Variants in TRAM2 observed in about 807,000 individuals in gnomAD.
TRAM2 encodes the protein translocation associated membrane protein 2.
TRAM2 carries 12 observed loss-of-function variants against 51.0 expected under a neutral mutation model. The ratio of observed to expected loss-of-function variants is 0.24; its 90% confidence interval spans 0.15 to 0.38. The LOEUF (loss-of-function observed/expected upper bound fraction) is 0.38, where lower values mean the gene tolerates loss of function less well. TRAM2 is among the 10% of genes least tolerant of loss of function. The pLI is 1.00. For missense variants in TRAM2, 361 were observed against 462.0 expected, an observed-to-expected ratio of 0.78 and a Z score of 2.00; for synonymous variants, 175 against 179.4, an observed-to-expected ratio of 0.98 and a Z score of 0.20.
At chr6:52,522,108 T>G (rs554628630) in intron 2 of TRAM2, among the ~76,000 whole-genome samples, 5 of 152,266 alleles carry the variant, frequency 3.3e-5, no homozygotes, top group African/African-American at 1.2e-4. Context: ...TTTAAACATA[T>G]CACCCTCTGG....
At chr6:52,538,300 T>C (rs1767009900) in intron 1 of TRAM2, among the ~76,000 whole-genome samples, 1 of 152,226 alleles carries the variant, frequency 6.6e-6, no homozygotes, top group South Asian at 2.1e-4. Flanking sequence ...GCTTGGGTTG[T>C]CTGCCATCCA....
At chr6:52,559,382 T>C (rs1011339694) in intron 1 of TRAM2, among the ~76,000 whole-genome samples, 1 of 152,186 alleles carries the variant, frequency 6.6e-6, no homozygotes, top group Non-Finnish European at 1.5e-5. Context: ...CTCTTTAAAA[T>C]AGAGTAAAGG....
rs760400087 is a variant in TRAM2, at chr6:52,503,206, C to T, written c.1104G>A (p.Lys368=). ...TCTTAGCACTTTGGCCTTAGGGAGA[C>T]TTGAGTTTCTTAGTCCGTGGGGAGG... The part of the protein sequence containing the change: ...NGTSPRTKKL[K]SP Residue 368 remains lysine (K), a synonymous_variant, in exon 11 of 11, where the codon AAG becomes AAA. Coordinates refer to ENST00000182527, the MANE Select transcript of TRAM2 (RefSeq NM_012288.4). 49 of 1,613,586 alleles carry T rather than the reference C, an allele frequency of 3.0e-5. No homozygotes were observed. The highest frequency in any genetic ancestry group is 8.0e-5 in the African/African-American group (6 of 74,750).
chr6:52,542,023 T>C (rs563026754), intron 1 of TRAM2, among the ~76,000 whole-genome samples: 1 of 152,234 alleles, frequency 6.6e-6, no homozygotes, highest in South Asian at 2.1e-4. Flanking sequence ...CCTCATTTTT[T>C]CTTCCTGAGA....
rs893253877 is a variant in TRAM2, at chr6:52,506,105, G to A, written c.658C>T (p.Leu220=). Residue 220 remains leucine, a synonymous_variant, in exon 8 of 11, where the codon CTG becomes TTG. Coordinates refer to ENST00000182527, the MANE Select transcript of TRAM2 (RefSeq NM_012288.4). Reference sequence around the variant, plus strand: ...AAGAGGAACTCAGTTGAGTACTGCAGCAGCAGCAAGATCAGGCCCAGGCGG... The same window carrying A: ...AAGAGGAACTCAGTTGAGTACTGCAACAGCAGCAAGATCAGGCCCAGGCGG... ...LSRLGLILLL[L]QYSTEFLFHT... The A allele has an allele frequency of 6.2e-7, 1 of 1,614,122 alleles. No individual in the cohort carries two copies. Among genetic ancestry groups the A allele is most frequent in the Non-Finnish European group, 8.5e-7 (1 of 1,180,048 alleles).
rs1305227408 is a variant in TRAM2, at chr6:52,519,904, AATAC to A, written c.185-3171_185-3168del. On this transcript the variant is annotated intron_variant, in intron 2 of 10. Coordinates refer to ENST00000182527, the MANE Select transcript of TRAM2 (RefSeq NM_012288.4). Reference sequence around the variant, plus strand: ...TGAATAAGTCAGTCACAAAAGGACAAATACTGTATGATTCGATTTATATATGAGT... The same window carrying A: ...TGAATAAGTCAGTCACAAAAGGACAATGTATGATTCGATTTATATATGAGT... Among the ~76,000 whole-genome samples, 3 of 152,334 alleles carry A rather than the reference AATAC, an allele frequency of 2.0e-5. No homozygotes were observed. The East Asian group carries it at 5.8e-4, about 29-fold the overall frequency.
At chr6:52,529,847 G>A (rs566414679) in intron 2 of TRAM2, 1 of 152,310 alleles carries the variant, frequency 6.6e-6, no homozygotes, top group South Asian at 2.1e-4. Context: ...AGCAGGCCTG[G>A]AGTCTGCCTG....
At chr6:52,549,487 A>G (rs1767271349) in intron 1 of TRAM2, among the ~76,000 whole-genome samples, 1 of 152,216 alleles carries the variant, frequency 6.6e-6, no homozygotes, top group Admixed American at 6.5e-5. Context: ...CAAAACTCTA[A>G]AAAACCATCT....
chr6:52,574,048 T>C (rs1258750670), intron 1 of TRAM2, among the ~76,000 whole-genome samples: 1 of 152,154 alleles, frequency 6.6e-6, no homozygotes. Flanking sequence ...CTTTCTCCCA[T>C]TCCCCTTGCA....
rs1766236184 is a variant in TRAM2 at position 52,501,932 on chromosome 6, GGAGGGGAGGGGAAAGAATCTGT to G, written c.*1243_*1264del. ...GGACTTGGAGGCCTTCTCTTCAGGT[GGAGGGGAGGGGAAAGAATCTGT>G]GAGGGAAGGGGCCAGAAAGGCGCCT... On this transcript the variant is annotated 3_prime_UTR_variant, in exon 11 of 11. Coordinates refer to ENST00000182527, the MANE Select transcript of TRAM2 (RefSeq NM_012288.4). The G allele has an allele frequency of 6.6e-6, 1 of 152,258 alleles. No individual in the cohort carries two copies. The highest frequency in any genetic ancestry group is 6.5e-5 in the Admixed American group (1 of 15,280). The allele number at this position is 152,258 out of a possible 1,614,324, so 9.4% of individuals were successfully genotyped here. A position where few individuals can be genotyped will look rare whatever the true frequency, so the allele number is the denominator to read the frequency against.
intron 6 of TRAM2, 37 bp downstream of exon 6, chr6:52,508,197 G>C (rs1449879037): frequency 6.3e-7 from 1 of 1,599,062 alleles, no homozygotes; most frequent in African/African-American, 1.3e-5. Context: ...AGTGGTCAAT[G>C]AATGGCCTCC....
At chr6:52,558,534 T>C (rs746775725) in intron 1 of TRAM2, among the ~76,000 whole-genome samples, 9 of 152,222 alleles carry the variant, frequency 5.9e-5, no homozygotes, top group Non-Finnish European at 1.0e-4. Flanking sequence ...ATGGTTAAGA[T>C]GGCAGATTTA....
intron 1 of TRAM2, among the ~76,000 whole-genome samples, chr6:52,564,423 T>C (rs925942113): frequency 2.6e-5 from 4 of 152,056 alleles, no homozygotes; most frequent in African/African-American, 9.7e-5. Flanking sequence ...AACCAGCCCC[T>C]ACCCAGCCCA....
At chr6:52,509,501 C>A in intron 5 of TRAM2, 27 bp downstream of exon 5, 1 of 1,611,702 alleles carries the variant, frequency 6.2e-7, no homozygotes, top group Non-Finnish European at 8.5e-7. Context: ...TCGCTCCTCC[C>A]TGGGGCTGAG....
intron 1 of TRAM2, among the ~76,000 whole-genome samples, chr6:52,573,978 G>C (rs955273969): frequency 1.3e-5 from 2 of 152,122 alleles, no homozygotes; most frequent in Non-Finnish European, 2.9e-5. Flanking sequence ...CTCAGCTTCC[G>C]AATGAAGGAA....
chr6:52,573,594 C>T (rs529322573), intron 1 of TRAM2, among the ~76,000 whole-genome samples: 1 of 152,276 alleles, frequency 6.6e-6, no homozygotes, highest in South Asian at 2.1e-4. Flanking sequence ...GATGGCTCAA[C>T]ACTAAACCAA....
chr6:52,516,837 G>C, intron 2 of TRAM2, 100 bp from the exon 3 acceptor site: 1 of 901,990 alleles, frequency 1.1e-6, no homozygotes, highest in East Asian at 2.4e-5. Context: ...GCCATCAAAT[G>C]CTACCCGTTT....
rs1337717228 is a variant in TRAM2 at position 52,503,220 on chromosome 6, T to C, written c.1090A>G (p.Thr364Ala). The change falls in exon 11 of 11, where the codon ACT becomes GCT. Residue 364 changes from threonine to alanine, a missense_variant. Physicochemically the swap from Thr to Ala is moderately conservative, Grantham distance 58. Coordinates refer to ENST00000182527, the MANE Select transcript of TRAM2 (RefSeq NM_012288.4). ...CCTTAGGGAGACTTGAGTTTCTTAG[T>C]CCGTGGGGAGGTTCCGTTCTCTGCC... is the stretch of plus-strand genomic sequence containing the variant. The part of the protein sequence containing the change: ...VKAENGTSPR[T>A]KKLKSP 5.6e-6 allele frequency: 9 copies of C among 1,613,932 alleles called. No individual in the cohort carries two copies. The highest frequency in any genetic ancestry group is 7.6e-6 in the Non-Finnish European group (9 of 1,179,974).
intron 1 of TRAM2, among the ~76,000 whole-genome samples, chr6:52,560,745 C>T (rs930637798): frequency 1.3e-5 from 2 of 152,210 alleles, no homozygotes; most frequent in Admixed American, 1.3e-4. Flanking sequence ...ACCAGCACTG[C>T]TGGGTCAAGC....
Sources: gnomAD v4.1 joint callset for allele counts (sites outside exome capture counted in the v4.1 genomes callset) on GRCh38, gnomAD v4.1.1 for gene constraint, MANE v1.5 for transcripts, NCBI Gene and HGNC (gene_info 2026-07-23, HGNC 2026-07-21) for gene names.